Variants in GRIA4 observed in about 807,000 individuals in gnomAD.
GRIA4 encodes the protein glutamate receptor 4.
Under a neutral mutation model 104.0 loss-of-function variants are expected in GRIA4, and 34 were observed. The ratio of observed to expected loss-of-function variants is 0.33; its 90% CI spans 0.25 to 0.44. The LOEUF (loss-of-function observed/expected upper bound fraction) is 0.44, where lower values mean the gene tolerates loss of function less well. Ranked by LOEUF, GRIA4 falls within the 20% of genes least tolerant of loss-of-function variation. The probability of loss-of-function intolerance (pLI) is 1.00; values close to 1 mark genes in which losing one functional copy is unlikely to be tolerated. For synonymous variants in GRIA4, 386 were observed against 381.9 expected, an observed-to-expected ratio of 1.01 and a Z score of -0.13; for missense variants, 750 against 1,096.5, an observed-to-expected ratio of 0.68 and a Z score of 4.46.
intron 14 of GRIA4, chr11:105,945,350 A>G (rs1283985642): frequency 6.1e-6 from 1 of 164,588 alleles, no homozygotes; most frequent in Non-Finnish European, 1.3e-5. Flanking sequence ...CCAGTATATC[A>G]GACATTTGGT....
intron 3 of GRIA4, among the ~76,000 whole-genome samples, chr11:105,679,518 A>G (rs886110234): frequency 2.6e-5 from 4 of 152,136 alleles, no homozygotes; most frequent in Non-Finnish European, 4.4e-5. Context: ...TCTGCGTACA[A>G]TTGAGCAACC....
At chr11:105,802,612 G>A (rs1036781684) in intron 4 of GRIA4, among the ~76,000 whole-genome samples, 5 of 151,840 alleles carry the variant, frequency 3.3e-5, no homozygotes, top group Admixed American at 2.6e-4. Flanking sequence ...TGAATCTATT[G>A]AAAAGTTTTC....
intron 3 of GRIA4, among the ~76,000 whole-genome samples, chr11:105,627,975 CA>C (rs1950930436): frequency 6.6e-6 from 1 of 152,056 alleles, no homozygotes; most frequent in African/African-American, 2.4e-5. Context: ...CGTGACTTGC[CA>C]CTCAATCACA....
chr11:105,783,568 G>A (rs570846210), intron 4 of GRIA4, among the ~76,000 whole-genome samples: 1 of 152,160 alleles, frequency 6.6e-6, no homozygotes, highest in Non-Finnish European at 1.5e-5. Flanking sequence ...CTGCTCATCA[G>A]AAACACTGCA....
intron 3 of GRIA4, among the ~76,000 whole-genome samples, chr11:105,688,433 C>T (rs1476739850): frequency 2.0e-5 from 3 of 151,826 alleles, no homozygotes; most frequent in East Asian, 1.9e-4. Flanking sequence ...TGGTGGCGTG[C>T]GCCTGTAGTC....
At chr11:105,967,185 A>ATTG (rs58174966) in intron 14 of GRIA4, among the ~76,000 whole-genome samples, 152,012 of 152,218 alleles carry the variant, frequency 1, 75,903 homozygotes, top group Middle Eastern at 1. Context: ...TCAAATTTTT[A>ATTG]TTATCACAAA....
chr11:105,612,510 T>C, intron 3 of GRIA4, 76 bp downstream of exon 3: 7 of 1,168,848 alleles, frequency 6.0e-6, no homozygotes, highest in Non-Finnish European at 8.5e-6. Flanking sequence ...TCTTTGTTAT[T>C]TAATTTTTTT....
At chr11:105,966,508 C>G (rs1395474420) in intron 14 of GRIA4, among the ~76,000 whole-genome samples, 3 of 151,974 alleles carry the variant, frequency 2.0e-5, no homozygotes. Context: ...CTAGGGTGCC[C>G]ACTAAAAAGT....
chr11:105,881,225 A>G (rs894290541), intron 5 of GRIA4, among the ~76,000 whole-genome samples: 2 of 152,034 alleles, frequency 1.3e-5, no homozygotes, highest in Non-Finnish European at 2.9e-5. Flanking sequence ...TTATGTACCA[A>G]CTCCTCTCAG....
At chr11:105,744,589 A>G (rs1939528480) in intron 3 of GRIA4, among the ~76,000 whole-genome samples, 1 of 152,112 alleles carries the variant, frequency 6.6e-6, no homozygotes, top group Non-Finnish European at 1.5e-5. Flanking sequence ...TTCATATTCA[A>G]TTGGGGAAAA....
chr11:105,871,313 G>C (rs980639337), intron 5 of GRIA4, among the ~76,000 whole-genome samples: 1 of 151,876 alleles, frequency 6.6e-6, no homozygotes, highest in Non-Finnish European at 1.5e-5. Flanking sequence ...AGTATTGCTA[G>C]TCAATATGAA....
rs554539060 is a variant in GRIA4 at position 105,757,315 on chromosome 11, C to T, written c.487+4095C>T. ...GCCTATCCCCTACCTCCCACTGTCC[C>T]GCATTACAGAGTAAAGGATTCGAGG... is the stretch of plus-strand genomic sequence containing the variant. On this transcript the variant is annotated intron_variant, in intron 4 of 16. Coordinates refer to ENST00000282499, the MANE Select transcript of GRIA4 (RefSeq NM_000829.4). 1.4e-4 allele frequency among the ~76,000 whole-genome samples: 21 copies of T among 152,118 alleles called. 1 individual carries two copies. Among genetic ancestry groups the T allele is most frequent in the Admixed American group, 7.2e-4 (11 of 15,258 alleles).
chr11:105,740,156 G>A (rs1939215322), intron 3 of GRIA4, among the ~76,000 whole-genome samples: 1 of 152,210 alleles, frequency 6.6e-6, no homozygotes, highest in Non-Finnish European at 1.5e-5. Context: ...ACTGAGTTAA[G>A]ATTGTTAAAC....
chr11:105,926,671 G>T lies in GRIA4; in HGVS notation c.1848-70G>T. The stretch of plus-strand genomic sequence containing the variant: ...TATTTTTAAATATGCATGGTGAATT[G>T]ACGGTATTTCTTTTCTTTCTCTATG... On this transcript the variant is annotated intron_variant, in intron 12 of 16. Transcript: ENST00000282499. The T allele has an allele frequency of 4.4e-6, 4 of 909,498 alleles. No homozygotes were observed. In the Admixed American group the frequency reaches 7.2e-5, roughly 16 times the overall value. The allele number at this position is 909,498 out of a possible 1,614,324, so 56.3% of individuals were successfully genotyped here.
chr11:105,620,593 C>G (rs1420506729), intron 3 of GRIA4, among the ~76,000 whole-genome samples: 4 of 151,676 alleles, frequency 2.6e-5, no homozygotes, highest in Non-Finnish European at 5.9e-5. Context: ...TTTTACTTAC[C>G]CCAACAAATA....
chr11:105,723,966 C>A (rs187097388), intron 3 of GRIA4, among the ~76,000 whole-genome samples: 1 of 152,230 alleles, frequency 6.6e-6, no homozygotes, highest in East Asian at 1.9e-4. Context: ...AGTGAAATAT[C>A]ATCTGACACC....
chr11:105,890,840 G>A (rs1368071523), intron 6 of GRIA4, among the ~76,000 whole-genome samples: 1 of 152,190 alleles, frequency 6.6e-6, no homozygotes, highest in African/African-American at 2.4e-5. Flanking sequence ...TGCACATTAA[G>A]TGTGAGTAAA....
intron 15 of GRIA4, among the ~76,000 whole-genome samples, chr11:105,973,696 T>C (rs1858818277): frequency 6.6e-6 from 1 of 152,124 alleles, no homozygotes; most frequent in Non-Finnish European, 1.5e-5. Flanking sequence ...TATGCAAAAG[T>C]AACATTTTCC....
intron 4 of GRIA4, among the ~76,000 whole-genome samples, chr11:105,794,508 T>TATAC (rs1555010367): frequency 5.7e-5 from 7 of 122,966 alleles, no homozygotes; most frequent in African/African-American, 2.3e-4. Context: ...TATATATATA[T>TATAC]ATATACATAT....
Sources: allele counts gnomAD v4.1 joint callset (sites outside exome capture counted in the v4.1 genomes callset), GRCh38; gene constraint gnomAD v4.1.1; transcripts MANE v1.5; gene names NCBI Gene and HGNC (gene_info 2026-07-23, HGNC 2026-07-21).